The following ATP10B variants were observed in gnomAD, a reference collection of about 807,000 sequenced individuals.
The protein encoded by ATP10B is phospholipid-transporting ATPase VB.
Under a neutral mutation model 141.2 loss-of-function variants are expected in ATP10B, and 122 were observed. That is an observed-to-expected ratio of 0.86 (90% CI 0.75 to 1.00). ATP10B has a LOEUF of 1.00. Ranked by LOEUF, ATP10B falls within the 50% of genes least tolerant of loss-of-function variation. The probability of loss-of-function intolerance (pLI) is 0.00; values close to 1 mark genes in which losing one functional copy is unlikely to be tolerated. For synonymous variants in ATP10B, 685 were observed against 692.0 expected (o/e 0.99, Z 0.16); for missense variants, 1,876 against 1,825.3 (o/e 1.03, Z -0.51).
chr5:160,577,939 C>A (rs1308364524), intron 24 of ATP10B, among the ~76,000 whole-genome samples: 1 of 151,460 alleles, frequency 6.6e-6, no homozygotes, highest in African/African-American at 2.4e-5. Flanking sequence ...GTTTCTATAC[C>A]CCTTCTATTT....
the ATP10B span, among the ~76,000 whole-genome samples, chr5:160,889,958 C>A: frequency 0.016 from 2,484 of 152,248 alleles, 27 homozygotes; most frequent in Non-Finnish European, 0.026. Context: ...GAATCTTGAT[C>A]CCTCTCCTCC....
At chr5:160,907,089 C>G in the ATP10B span, among the ~76,000 whole-genome samples, 2 of 152,144 alleles carry the variant, frequency 1.3e-5, no homozygotes, top group African/African-American at 2.4e-5. Flanking sequence ...AAATACCCAG[C>G]CTTCAGTTTG....
intron 5 of ATP10B, chr5:160,686,860 TATA>T (rs1561753533): frequency 1.5e-5 from 12 of 805,290 alleles, no homozygotes; most frequent in African/African-American, 1.9e-5. Context: ...AATGGTCACT[TATA>T]ATAATAATTA....
At chr5:160,583,683 G>A (rs985133724) in intron 24 of ATP10B, among the ~76,000 whole-genome samples, 8 of 152,182 alleles carry the variant, frequency 5.3e-5, no homozygotes, top group Non-Finnish European at 8.8e-5. Context: ...TTATCTATAA[G>A]CCTCTGACTG....
At chr5:160,630,476 C>T (rs1426156778) in intron 13 of ATP10B, among the ~76,000 whole-genome samples, 1 of 152,180 alleles carries the variant, frequency 6.6e-6, no homozygotes, top group Non-Finnish European at 1.5e-5. Flanking sequence ...TTTTCTCCCG[C>T]TCATTTTCTG....
intron 1 of ATP10B, among the ~76,000 whole-genome samples, chr5:160,805,524 T>C (rs987128979): frequency 2.0e-5 from 3 of 152,220 alleles, no homozygotes; most frequent in Non-Finnish European, 4.4e-5. Flanking sequence ...CACACGCATG[T>C]GGACATTTCT....
At chr5:160,653,286 G>C (rs1379591062) in intron 7 of ATP10B, among the ~76,000 whole-genome samples, 1 of 131,552 alleles carries the variant, frequency 7.6e-6, no homozygotes, top group Non-Finnish European at 1.6e-5. Context: ...TACATAGGTA[G>C]TATATATACA....
At chr5:160,927,499 C>T in the ATP10B span, among the ~76,000 whole-genome samples, 5 of 152,196 alleles carry the variant, frequency 3.3e-5, no homozygotes, top group African/African-American at 9.7e-5. Context: ...ATGAAATCAG[C>T]TGGTCCCTGA....
At chr5:160,602,894 T>G (rs915725398) in intron 20 of ATP10B, 192 bp from the exon 21 acceptor site, 2 of 600,014 alleles carry the variant, frequency 3.3e-6, no homozygotes, top group Non-Finnish European at 5.6e-6. Context: ...CAAACCTCTC[T>G]AGAATCCAAG....
rs77894359 is a variant in ATP10B, at chr5:160,682,277, G to A, written c.470+3802C>T. ...CTATGGGTCCATTGGAGGAGGGCCA[G>A]CATATATAATTTGGCCATGCACGTA... On this transcript the variant is annotated intron_variant, in intron 6 of 25. Transcript: ENST00000327245. 2.3e-3 allele frequency among the ~76,000 whole-genome samples: 350 copies of A among 152,252 alleles called. 1 individual carries two copies. The highest frequency in any genetic ancestry group is 8.2e-3 in the African/African-American group (341 of 41,566).
chr5:160,650,159 T>C (rs1464127600), intron 7 of ATP10B, among the ~76,000 whole-genome samples: 5 of 150,230 alleles, frequency 3.3e-5, no homozygotes, highest in African/African-American at 1.2e-4. Context: ...TACATATATA[T>C]ACATATATAT....
chr5:160,608,895 G>A (rs1304820043), intron 18 of ATP10B, among the ~76,000 whole-genome samples: 2 of 152,178 alleles, frequency 1.3e-5, no homozygotes, highest in Non-Finnish European at 2.9e-5. Context: ...TGTTCACTCT[G>A]ATGGTAGTTT....
chr5:160,868,663 T>C, the ATP10B span, among the ~76,000 whole-genome samples: 1 of 151,876 alleles, frequency 6.6e-6, no homozygotes, highest in East Asian at 1.9e-4. Context: ...ATCAATAGCA[T>C]GATGCTACCC....
chr5:160,868,882 A>G, the ATP10B span, among the ~76,000 whole-genome samples: 1 of 152,174 alleles, frequency 6.6e-6, no homozygotes, highest in African/African-American at 2.4e-5. Context: ...CATGCAATCT[A>G]CAAGTATTTA....
At chr5:160,566,475 T>C (rs1477568853) in intron 25 of ATP10B, among the ~76,000 whole-genome samples, 1 of 152,242 alleles carries the variant, frequency 6.6e-6, no homozygotes, top group Non-Finnish European at 1.5e-5. Flanking sequence ...AGTGTCATCA[T>C]ATTACTATGA....
intron 24 of ATP10B, among the ~76,000 whole-genome samples, chr5:160,581,215 T>C (rs905997383): frequency 6.6e-6 from 1 of 152,206 alleles, no homozygotes; most frequent in African/African-American, 2.4e-5. Flanking sequence ...TTGCTCTTGC[T>C]TCTCTAGTTC....
At chr5:160,609,675 G>A (rs1332060487) in intron 18 of ATP10B, among the ~76,000 whole-genome samples, 1 of 152,172 alleles carries the variant, frequency 6.6e-6, no homozygotes, top group Admixed American at 6.5e-5. Context: ...ACTGCACCCT[G>A]CCCTGGCATA....
At position 160,785,663 on chromosome 5, in the gene ATP10B, T is replaced by C. The variant is rs1429288191; in HGVS notation, c.-435A>G. The C allele has an allele frequency of 7.0e-6, 9 of 1,287,340 alleles. No individual in the cohort carries two copies. The African/African-American group carries it at 9.1e-5, about 13-fold the overall frequency. 79.7% of individuals were successfully genotyped at this position (1,287,340 alleles called of 1,614,324 possible). On this transcript the variant is annotated 5_prime_UTR_variant, in exon 2 of 26. Coordinates refer to ENST00000327245, the MANE Select transcript of ATP10B (RefSeq NM_025153.3). ...TGTGTCCATGTGTAAGAAATGGTAG[T>C]TTCTCATCTTGGCAGTGGAGAGGAG...
At chr5:160,588,622 G>T (rs1337669611) in intron 24 of ATP10B, among the ~76,000 whole-genome samples, 1 of 152,112 alleles carries the variant, frequency 6.6e-6, no homozygotes, top group East Asian at 1.9e-4. Flanking sequence ...TTCAAAACTT[G>T]CTTCTATCTT....
Sources: allele counts gnomAD v4.1 joint callset (sites outside exome capture counted in the v4.1 genomes callset), GRCh38; gene constraint gnomAD v4.1.1; transcripts MANE v1.5; gene names NCBI Gene and HGNC (gene_info 2026-07-23, HGNC 2026-07-21).